The following FLRT2 variants were observed in gnomAD, a reference collection of about 807,000 sequenced individuals.
The protein encoded by FLRT2 is fibronectin leucine rich transmembrane protein 2, also known as leucine-rich repeat transmembrane protein FLRT2.
A neutral mutation model predicts 40.0 loss-of-function variants in FLRT2; 15 were observed. The ratio of observed to expected loss-of-function variants is 0.38; its 90% CI spans 0.25 to 0.58. The LOEUF (loss-of-function observed/expected upper bound fraction) is 0.58. FLRT2 is among the 20% of genes least tolerant of loss of function. FLRT2 has a pLI of 0.71. For missense variants in FLRT2, 726 were observed against 840.0 expected (o/e 0.86, Z 1.68); for synonymous variants, 380 against 336.8 (o/e 1.13, Z -1.41).
intron 1 of FLRT2, among the ~76,000 whole-genome samples, chr14:85,590,798 A>G (rs942707070): frequency 6.6e-6 from 1 of 152,056 alleles, no homozygotes; most frequent in Middle Eastern, 3.2e-3. Context: ...GGGTTTCACC[A>G]TATTGGTCAG....
rs1893925277 is a variant in FLRT2, at chr14:85,633,205, CT to C, written c.*9709del. The C allele has an allele frequency of 6.6e-6, 1 of 152,064 alleles. No homozygotes were observed. The highest frequency in any genetic ancestry group is 1.5e-5 in the Non-Finnish European group (1 of 68,024). 9.4% of individuals were successfully genotyped at this position (152,064 alleles called of 1,614,324 possible). A position where few individuals can be genotyped will look rare whatever the true frequency, so the allele number is the denominator to read the frequency against. ...TTGCACAGCTATTATCAAGATGGGTCTGTCAGAAAGGTTTTCATTATTCTGT... is the reference window on the plus strand; with the variant it reads ...TTGCACAGCTATTATCAAGATGGGTCGTCAGAAAGGTTTTCATTATTCTGT... On this transcript the variant is annotated 3_prime_UTR_variant, in exon 2 of 2. Transcript: ENST00000330753.
intron 1 of FLRT2, among the ~76,000 whole-genome samples, chr14:85,564,563 T>C (rs1040610979): frequency 6.6e-6 from 1 of 152,182 alleles, no homozygotes; most frequent in Non-Finnish European, 1.5e-5. Flanking sequence ...TATTTTGACA[T>C]TGGCAAAAGG....
rs1893848274 is a variant in FLRT2 at position 85,630,803 on chromosome 14, A to C, written c.*7306A>C. The C allele has an allele frequency of 6.6e-6, 1 of 151,942 alleles. No individual in the cohort carries two copies. Among genetic ancestry groups the C allele is most frequent in the Non-Finnish European group, 1.5e-5 (1 of 68,072 alleles). 9.4% of individuals were successfully genotyped at this position (151,942 alleles called of 1,614,324 possible). A position where few individuals can be genotyped will look rare whatever the true frequency, so the allele number is the denominator to read the frequency against. ...GTTCCAGCACCAGAGTGGCCTCTCA[A>C]ATGTGTTTTCTCCTCTTGGTTCCCT... On this transcript the variant is annotated 3_prime_UTR_variant, in exon 2 of 2. Coordinates refer to ENST00000330753, the MANE Select transcript of FLRT2 (RefSeq NM_013231.6).
At chr14:85,592,209 A>C (rs1056787817) in intron 1 of FLRT2, among the ~76,000 whole-genome samples, 5 of 152,252 alleles carry the variant, frequency 3.3e-5, no homozygotes, top group Admixed American at 3.3e-4. Flanking sequence ...GTAGAAAAGA[A>C]AATAGAAAAA....
intron 1 of FLRT2, among the ~76,000 whole-genome samples, chr14:85,539,633 T>C (rs1375637739): frequency 6.6e-6 from 1 of 152,202 alleles, no homozygotes; most frequent in African/African-American, 2.4e-5. Context: ...CCTGGAGACT[T>C]AATTTCCTCT....
rs1371227810 is a variant in FLRT2 at position 85,647,541 on chromosome 14, CAAT to C, written c.*24045_*24047del. 3 of 152,156 alleles carry C rather than the reference CAAT, an allele frequency of 2.0e-5. No homozygotes were observed. Among genetic ancestry groups the C allele is most frequent in the Non-Finnish European group, 2.9e-5 (2 of 68,030 alleles). The allele number at this position is 152,156 out of a possible 1,614,324, so 9.4% of individuals were successfully genotyped here. ...ATGTTTCTCTTCCAAGAGGACACAA[CAAT>C]GATTCATTTGAACTCTATGATTGCC... On this transcript the variant is annotated 3_prime_UTR_variant, in exon 2 of 2. Coordinates refer to ENST00000330753, the MANE Select transcript of FLRT2 (RefSeq NM_013231.6).
At chr14:85,556,606 A>C (rs911253239) in intron 1 of FLRT2, among the ~76,000 whole-genome samples, 8 of 152,196 alleles carry the variant, frequency 5.3e-5, no homozygotes, top group Admixed American at 3.9e-4. Flanking sequence ...ATTTTTCTAC[A>C]CACTGGCTAA....
intron 1 of FLRT2, chr14:85,552,827 G>C (rs572320814): frequency 3.3e-5 from 5 of 152,074 alleles, no homozygotes; most frequent in African/African-American, 9.7e-5. Context: ...CAATCCTTCC[G>C]AGACACCTAA....
chr14:85,592,543 C>T (rs1424517752), intron 1 of FLRT2, among the ~76,000 whole-genome samples: 1 of 152,066 alleles, frequency 6.6e-6, no homozygotes, highest in Non-Finnish European at 1.5e-5. Flanking sequence ...AATCCCAGCA[C>T]TTTGGGAGGC....
rs1894361996 is a variant in FLRT2, at chr14:85,648,570, C to G, written c.*25073C>G. The G allele has an allele frequency of 6.6e-6, 1 of 152,176 alleles. No individual in the cohort carries two copies. Among genetic ancestry groups the G allele is most frequent in the African/African-American group, 2.4e-5 (1 of 41,436 alleles). The allele number at this position is 152,176 out of a possible 1,614,324, so 9.4% of individuals were successfully genotyped here. On this transcript the variant is annotated 3_prime_UTR_variant, in exon 2 of 2. Coordinates refer to ENST00000330753, the MANE Select transcript of FLRT2 (RefSeq NM_013231.6). ...CAGAGAGCAATCACTCAGATGTGCTCTTGTACTTAATACTTCCACTGGCAG... is the reference window on the plus strand; with the variant it reads ...CAGAGAGCAATCACTCAGATGTGCTGTTGTACTTAATACTTCCACTGGCAG...
intron 1 of FLRT2, among the ~76,000 whole-genome samples, chr14:85,539,257 A>G (rs1264335064): frequency 2.0e-5 from 3 of 152,040 alleles, no homozygotes; most frequent in Non-Finnish European, 2.9e-5. Flanking sequence ...GTTAAGGGCT[A>G]CTAAGGCTGG....
chr14:85,619,409 A>G (rs55983216), intron 1 of FLRT2, among the ~76,000 whole-genome samples: 17,927 of 152,104 alleles, frequency 0.12, 1,318 homozygotes, highest in South Asian at 0.2. Flanking sequence ...TTGATTTTTA[A>G]TAAAGCATCG....
chr14:85,619,164 A>C (rs1595092764), intron 1 of FLRT2, among the ~76,000 whole-genome samples: 2 of 146,432 alleles, frequency 1.4e-5, no homozygotes. Context: ...ATCTTGGCTC[A>C]CCTCCGCCTC....
At position 85,645,267 on chromosome 14, in the gene FLRT2, CATGTGTATATATGTATATACAT is replaced by C. The variant is rs1360919716; in HGVS notation, c.*21773_*21794del. 2 of 120,018 alleles carry C rather than the reference CATGTGTATATATGTATATACAT, an allele frequency of 1.7e-5. No individual in the cohort carries two copies. The highest frequency in any genetic ancestry group is 6.8e-5 in the African/African-American group (2 of 29,510). 7.4% of individuals were successfully genotyped at this position (120,018 alleles called of 1,614,324 possible). A position where few individuals can be genotyped will look rare whatever the true frequency, so the allele number is the denominator to read the frequency against. On this transcript the variant is annotated 3_prime_UTR_variant, in exon 2 of 2. Coordinates refer to ENST00000330753, the MANE Select transcript of FLRT2 (RefSeq NM_013231.6). ...ATGTATACATGTGTATATATGTATA[CATGTGTATATATGTATATACAT>C]ATATGTATATAGAAGTATATATACA...
chr14:85,630,253 G>A lies in FLRT2; in HGVS notation c.*6756G>A. On this transcript the variant is annotated 3_prime_UTR_variant, in exon 2 of 2. Coordinates refer to ENST00000330753, the MANE Select transcript of FLRT2 (RefSeq NM_013231.6). ...ATAACCCAAACTATATGTCATTTTA[G>A]CACACACATACCAATGGGTGATCAT... 7.0e-6 allele frequency: 1 copy of A among 143,154 alleles called. No individual in the cohort carries two copies. The highest frequency in any genetic ancestry group is 2.3e-4 in the South Asian group (1 of 4,294). The allele number at this position is 143,154 out of a possible 1,614,324, so 8.9% of individuals were successfully genotyped here.
In FLRT2 at chr14:85,570,676, G is replaced by A. The variant is rs372783599; in HGVS notation, c.-377+40142G>A. ...GGCTCACTGCAAGCTCTGCCTCCTG[G>A]GTTCATGCCATTCTCCTGCCTCAGC... On this transcript the variant is annotated intron_variant, in intron 1 of 1. Coordinates refer to ENST00000330753, the MANE Select transcript of FLRT2 (RefSeq NM_013231.6). Among the ~76,000 whole-genome samples, 120 of 151,622 alleles carry A rather than the reference G, an allele frequency of 7.9e-4. 3 individuals are homozygous for A. In the South Asian group the frequency reaches 0.017, roughly 21 times the overall value.
In FLRT2 at chr14:85,648,120, A is replaced by G. The variant is rs1229631346; in HGVS notation, c.*24623A>G. Reference sequence around the variant, plus strand: ...TGAAGGTTAAAGAAAACCCAGCTATAGATTCAGTGACTAACAAAATTTGGG... The same window carrying G: ...TGAAGGTTAAAGAAAACCCAGCTATGGATTCAGTGACTAACAAAATTTGGG... On this transcript the variant is annotated 3_prime_UTR_variant, in exon 2 of 2. Transcript: ENST00000330753. 6.6e-6 allele frequency: 1 copy of G among 152,188 alleles called. No homozygotes were observed. The highest frequency in any genetic ancestry group is 1.5e-5 in the Non-Finnish European group (1 of 68,034). 9.4% of individuals were successfully genotyped at this position (152,188 alleles called of 1,614,324 possible). A position where few individuals can be genotyped will look rare whatever the true frequency, so the allele number is the denominator to read the frequency against.
intron 1 of FLRT2, among the ~76,000 whole-genome samples, chr14:85,616,823 C>T (rs1255746559): frequency 6.6e-6 from 1 of 152,176 alleles, no homozygotes; most frequent in East Asian, 1.9e-4. Flanking sequence ...CCAAAAACTA[C>T]ATCAGCTCTG....
intron 1 of FLRT2, among the ~76,000 whole-genome samples, chr14:85,574,185 G>A (rs1891022107): frequency 6.6e-6 from 1 of 151,708 alleles, no homozygotes; most frequent in South Asian, 2.1e-4. Flanking sequence ...TCATTATTTT[G>A]TTATTAGGGT....
Sources: gnomAD v4.1 joint callset for allele counts (sites outside exome capture counted in the v4.1 genomes callset) on GRCh38, gnomAD v4.1.1 for gene constraint, MANE v1.5 for transcripts, NCBI Gene and HGNC (gene_info 2026-07-23, HGNC 2026-07-21) for gene names.